Variants in NTAN1 observed in about 807,000 individuals in gnomAD.
NTAN1 encodes protein N-terminal asparagine amidohydrolase.
Under a neutral mutation model 41.9 loss-of-function variants are expected in NTAN1, and 32 were observed. The ratio of observed to expected loss-of-function variants is 0.76; its 90% confidence interval spans 0.58 to 1.03. The LOEUF (loss-of-function observed/expected upper bound fraction) is 1.03. NTAN1 is among the 50% of genes least tolerant of loss of function. NTAN1 has a pLI of 0.00. For synonymous variants in NTAN1, 140 were observed against 139.5 expected (o/e 1.00, Z -0.03); for missense variants, 377 against 377.5 (o/e 1.00, Z 0.01).
intron 1 of NTAN1, among the ~76,000 whole-genome samples, chr16:15,054,170 CCTT>C (rs759485688): frequency 3.3e-5 from 5 of 152,310 alleles, no homozygotes; most frequent in Admixed American, 1.3e-4. Context: ...ATGCCCTCAC[CCTT>C]CTTCTCCTTT....
At chr16:15,041,997 A>G (rs16966953) in intron 5 of NTAN1, among the ~76,000 whole-genome samples, 45,867 of 152,082 alleles carry the variant, frequency 0.3, 7,419 homozygotes, top group Admixed American at 0.44. Flanking sequence ...TCTCCTAACT[A>G]AACTGTTTTC....
At chr16:15,041,162 T>C (rs1487551997) in intron 6 of NTAN1, 41 bp from the exon 7 acceptor site, 2 of 1,209,964 alleles carry the variant, frequency 1.7e-6, no homozygotes, top group East Asian at 2.3e-5. Flanking sequence ...TTTAAAGAAA[T>C]ACCAAATGAT....
At chr16:15,038,341 G>A (rs1447317953) in intron 9 of NTAN1, 131 bp from the exon 10 acceptor site, 2 of 682,594 alleles carry the variant, frequency 2.9e-6, no homozygotes, top group African/African-American at 1.9e-5. Flanking sequence ...GAGGTGGCCT[G>A]AATTAGTAAG....
chr16:15,055,122 TG>T (rs2044452556), intron 1 of NTAN1, among the ~76,000 whole-genome samples: 1 of 152,144 alleles, frequency 6.6e-6, no homozygotes, highest in Admixed American at 6.5e-5. Context: ...ATCAAGGAAC[TG>T]ATTGATTCCC....
At chr16:15,051,859 A>G (rs1273538721) in intron 1 of NTAN1, among the ~76,000 whole-genome samples, 1 of 152,130 alleles carries the variant, frequency 6.6e-6, no homozygotes, top group Non-Finnish European at 1.5e-5. Context: ...GCACGCCACC[A>G]CACTTGGCTA....
intron 1 of NTAN1, among the ~76,000 whole-genome samples, chr16:15,054,742 C>G (rs542858132): frequency 6.0e-4 from 91 of 152,308 alleles, no homozygotes; most frequent in Admixed American, 1.4e-3. Context: ...CAATTCTATG[C>G]CAGGGACCGT....
intron 1 of NTAN1, among the ~76,000 whole-genome samples, chr16:15,052,925 G>A (rs907131592): frequency 2.0e-5 from 3 of 152,146 alleles, no homozygotes; most frequent in South Asian, 2.1e-4. Context: ...GATGTTGCAG[G>A]ACTGGTTACC....
chr16:15,038,329 A>T (rs1214370795), intron 9 of NTAN1, 119 bp from the exon 10 acceptor site: 8 of 765,926 alleles, frequency 1.0e-5, no homozygotes, highest in Non-Finnish European at 1.7e-5. Flanking sequence ...ACGTTAAGAA[A>T]TGAGGTGGCC....
chr16:15,041,120 T>C lies in NTAN1; in HGVS notation c.489A>G (p.Glu163=), dbSNP rs2043795698. The C allele has an allele frequency of 6.5e-7, 1 of 1,537,238 alleles. No individual in the cohort carries two copies. Residue 163 remains glutamate, a splice_region_variant and synonymous_variant, in exon 7 of 10, where the codon GAA becomes GAG. Coordinates refer to ENST00000287706, the MANE Select transcript of NTAN1 (RefSeq NM_173474.4). ...TTTCGTTTTCTTCCCGGTCATTTAA[T>C]TCTACAAAATAAGAATGTTTAAGAT... ...DIHLVTLCVT[E]LNDREENENH...
At chr16:15,042,269 T>C (rs1253170307) in intron 5 of NTAN1, among the ~76,000 whole-genome samples, 13 of 150,542 alleles carry the variant, frequency 8.6e-5, no homozygotes, top group Non-Finnish European at 1.6e-4. Context: ...CATCGCAGTC[T>C]CCACCTCCCA....
chr16:15,055,315 T>C (rs1183878894), intron 1 of NTAN1, among the ~76,000 whole-genome samples: 2 of 152,208 alleles, frequency 1.3e-5, no homozygotes, highest in South Asian at 2.1e-4. Flanking sequence ...CGTGGTCCTA[T>C]GGCCCAGCTG....
intron 1 of NTAN1, chr16:15,055,675 TC>T (rs1314715303): frequency 2.7e-6 from 1 of 366,680 alleles, no homozygotes; most frequent in African/African-American, 2.1e-5. Context: ...CCCCGTCCCC[TC>T]CCTTGTCAGA....
chr16:15,044,534 G>C (rs915265943), intron 4 of NTAN1, 127 bp from the exon 5 acceptor site: 5 of 688,444 alleles, frequency 7.3e-6, no homozygotes, highest in African/African-American at 1.8e-5. Context: ...GGTCATCTTC[G>C]TGCCACCGCA....
rs2043584271 is a variant in NTAN1 at position 15,037,873 on chromosome 16, T to TTTATTTTGAAAGTCATTTGATGAAAGTCA, written c.*129_*157dup. ...ACAAATGCCTTTGCCAAAATAAGGTTTTATTTTGAAAGTCATTTGATGAAA... is the reference window on the plus strand; with the variant it reads ...ACAAATGCCTTTGCCAAAATAAGGTTTTATTTTGAAAGTCATTTGATGAAAGTCATTATTTTGAAAGTCATTTGATGAAA... On this transcript the variant is annotated 3_prime_UTR_variant, in exon 10 of 10. Transcript: ENST00000287706. The TTTATTTTGAAAGTCATTTGATGAAAGTCA allele has an allele frequency of 1.8e-6, 1 of 544,748 alleles. No homozygotes were observed. Among genetic ancestry groups the TTTATTTTGAAAGTCATTTGATGAAAGTCA allele is most frequent in the Non-Finnish European group, 3.2e-6 (1 of 309,680 alleles). The allele number at this position is 544,748 out of a possible 1,614,324, so 33.7% of individuals were successfully genotyped here.
At chr16:15,047,816 C>A in intron 3 of NTAN1, 39 bp downstream of exon 3, 2 of 1,517,080 alleles carry the variant, frequency 1.3e-6, no homozygotes, top group South Asian at 2.2e-5. Context: ...AAGGTTGGGT[C>A]AGTTTAAGTA....
Position 15,041,758 on chromosome 16 carries a change from G to T in NTAN1, c.434-82C>A, listed in dbSNP as rs993578442. The T allele has an allele frequency of 1.1e-5, 11 of 1,012,352 alleles. No individual in the cohort carries two copies. In the African/African-American group the frequency reaches 1.7e-4, roughly 16 times the overall value. 62.7% of individuals were successfully genotyped at this position (1,012,352 alleles called of 1,614,324 possible). Reference sequence around the variant, plus strand: ...AACTGCTGAGCAAGCCAACGACAGGGAGGGACGGCAGCCAACTGAGTGTGC... The same window carrying T: ...AACTGCTGAGCAAGCCAACGACAGGTAGGGACGGCAGCCAACTGAGTGTGC... On this transcript the variant is annotated intron_variant, in intron 5 of 9. Coordinates refer to ENST00000287706, the MANE Select transcript of NTAN1 (RefSeq NM_173474.4).
In NTAN1 at chr16:15,039,970, G is replaced by C. The variant is rs777400530; in HGVS notation, c.638C>G (p.Pro213Arg). The change falls in exon 8 of 10, where the codon CCA becomes CGA. Residue 213 changes from proline to arginine, a missense_variant and splice_region_variant. Transcript: ENST00000287706. ...LRAARTLAGG[P>R]MISIYDAETE... ...TAACAAAGATGATTTGAAACTCACT[G>C]GTCCTCCTGCTAAAGTTCGCGCAGC... 10 of 1,560,294 alleles carry C rather than the reference G, an allele frequency of 6.4e-6. No homozygotes were observed. Among genetic ancestry groups the C allele is most frequent in the Non-Finnish European group, 8.8e-6 (10 of 1,135,224 alleles).
chr16:15,044,517 A>C, intron 4 of NTAN1, 110 bp from the exon 5 acceptor site: 1 of 751,878 alleles, frequency 1.3e-6, no homozygotes, highest in South Asian at 1.5e-5. Flanking sequence ...TCTACAGCAG[A>C]GCTGCAGGTC....
chr16:15,049,460 G>A (rs965552216), intron 1 of NTAN1, among the ~76,000 whole-genome samples: 2 of 148,400 alleles, frequency 1.3e-5, no homozygotes, highest in Admixed American at 6.8e-5. Flanking sequence ...ACAGAGTCTC[G>A]CTCTGTTGCC....
Sources: gnomAD v4.1 joint callset for allele counts (sites outside exome capture counted in the v4.1 genomes callset) on GRCh38, gnomAD v4.1.1 for gene constraint, MANE v1.5 for transcripts, NCBI Gene and HGNC (gene_info 2026-07-23, HGNC 2026-07-21) for gene names.